CNTNAP2: variants seen among roughly 807,000 people sequenced by gnomAD.
CNTNAP2 encodes the protein contactin-associated protein-like 2.
A neutral mutation model predicts 155.2 loss-of-function variants in CNTNAP2; 98 were observed. The ratio of observed to expected loss-of-function variants is 0.63; its 90% CI spans 0.54 to 0.75. The LOEUF (loss-of-function observed/expected upper bound fraction) is 0.75, where lower values mean the gene tolerates loss of function less well. Ranked by LOEUF, CNTNAP2 falls within the 30% of genes least tolerant of loss-of-function variation. The pLI, the probability that CNTNAP2 is intolerant of heterozygous loss-of-function variation, is 0.00. For missense variants in CNTNAP2, 1,727 were observed against 1,688.1 expected (o/e 1.02, Z -0.40); for synonymous variants, 651 against 631.2 (o/e 1.03, Z -0.47).
At chr7:146,268,737 A>G (rs1800033200) in intron 1 of CNTNAP2, among the ~76,000 whole-genome samples, 1 of 152,204 alleles carries the variant, frequency 6.6e-6, no homozygotes. Flanking sequence ...AAAATAGCTC[A>G]CATTCTTTCA....
intron 13 of CNTNAP2, among the ~76,000 whole-genome samples, chr7:147,789,390 A>G (rs1202552600): frequency 1.3e-5 from 2 of 152,142 alleles, no homozygotes; most frequent in Non-Finnish European, 2.9e-5. Flanking sequence ...CTAAAATACA[A>G]ATCCAGTCTC....
intron 1 of CNTNAP2, among the ~76,000 whole-genome samples, chr7:146,174,629 G>C (rs1183822693): frequency 6.6e-6 from 1 of 151,976 alleles, no homozygotes; most frequent in Non-Finnish European, 1.5e-5. Flanking sequence ...CCTGAGGTTG[G>C]AAGTTCAAGA....
chr7:147,947,157 T>C (rs1041605939), intron 14 of CNTNAP2, among the ~76,000 whole-genome samples: 4 of 152,116 alleles, frequency 2.6e-5, no homozygotes, highest in African/African-American at 9.7e-5. Flanking sequence ...GGTAATCTCT[T>C]GGAGCTGTCT....
Position 146,357,201 on chromosome 7 carries a change from G to T in CNTNAP2, c.97+240228G>T, listed in dbSNP as rs148118089. 3.2e-3 allele frequency among the ~76,000 whole-genome samples: 454 copies of T among 143,622 alleles called. 2 individuals are homozygous for T. Among genetic ancestry groups the T allele is most frequent in the African/African-American group, 0.011 (436 of 38,186 alleles). The allele number at this position is 143,622 out of a possible 152,430, so 94.2% of individuals were successfully genotyped here. On this transcript the variant is annotated intron_variant, in intron 1 of 23. Transcript: ENST00000361727. ...CTGCTTCCCAGCATAATTTCCCAAA[G>T]CGCTTGGCCCTGTGACAACATACAG...
intron 9 of CNTNAP2, among the ~76,000 whole-genome samples, chr7:147,320,437 T>C (rs1434303052): frequency 6.6e-6 from 1 of 152,186 alleles, no homozygotes; most frequent in East Asian, 1.9e-4. Flanking sequence ...TGACAGTATG[T>C]ACCAATATTA....
At chr7:147,397,339 A>T (rs185609604) in intron 10 of CNTNAP2, among the ~76,000 whole-genome samples, 1 of 152,062 alleles carries the variant, frequency 6.6e-6, no homozygotes, top group African/African-American at 2.4e-5. Flanking sequence ...TTTAAAGATC[A>T]TTTGTTCTGA....
intron 15 of CNTNAP2, among the ~76,000 whole-genome samples, chr7:147,998,390 C>T (rs1801845003): frequency 6.6e-6 from 1 of 152,116 alleles, no homozygotes; most frequent in African/African-American, 2.4e-5. Flanking sequence ...GGATTACAGG[C>T]GAGAGCCACG....
chr7:146,593,976 C>T (rs187693405), intron 1 of CNTNAP2, among the ~76,000 whole-genome samples: 2 of 152,168 alleles, frequency 1.3e-5, no homozygotes, highest in Admixed American at 1.3e-4. Flanking sequence ...TTGGGTTCCC[C>T]ACCCTCCACT....
chr7:147,931,928 C>T (rs1416218556), intron 14 of CNTNAP2, among the ~76,000 whole-genome samples: 2 of 151,884 alleles, frequency 1.3e-5, no homozygotes, highest in Non-Finnish European at 2.9e-5. Flanking sequence ...TTATATCACC[C>T]AGGCTGGAGT....
chr7:147,407,710 A>G (rs994980211), intron 10 of CNTNAP2, among the ~76,000 whole-genome samples: 2 of 152,210 alleles, frequency 1.3e-5, no homozygotes, highest in Admixed American at 1.3e-4. Context: ...CTATGTTAAG[A>G]AGCATGTAAG....
intron 8 of CNTNAP2, among the ~76,000 whole-genome samples, chr7:147,140,791 GC>G (rs993781964): frequency 5.3e-5 from 8 of 152,086 alleles, no homozygotes; most frequent in African/African-American, 1.9e-4. Context: ...AATTTTATGG[GC>G]AGGGGCCAGA....
chr7:147,686,920 C>G (rs1796024649), intron 13 of CNTNAP2, among the ~76,000 whole-genome samples: 1 of 151,564 alleles, frequency 6.6e-6, no homozygotes, highest in Non-Finnish European at 1.5e-5. Flanking sequence ...TTACAATTAG[C>G]TAGAACTGTA....
At chr7:146,948,256 C>A (rs1273485040) in intron 3 of CNTNAP2, among the ~76,000 whole-genome samples, 1 of 151,576 alleles carries the variant, frequency 6.6e-6, no homozygotes, top group African/African-American at 2.4e-5. Context: ...TCCTATGACT[C>A]TGGGGTTGGA....
intron 15 of CNTNAP2, 21 bp downstream of exon 15, chr7:147,978,010 T>C: frequency 6.2e-7 from 1 of 1,613,638 alleles, no homozygotes; most frequent in South Asian, 1.1e-5. Context: ...ATAGCAGCTA[T>C]GGCTTGCACT....
intron 11 of CNTNAP2, among the ~76,000 whole-genome samples, chr7:147,509,989 T>C (rs1798986068): frequency 6.6e-6 from 1 of 152,128 alleles, no homozygotes; most frequent in African/African-American, 2.4e-5. Flanking sequence ...TTTTATTTGA[T>C]GGGCACATGA....
chr7:147,052,178 T>C (rs758071331), intron 4 of CNTNAP2, among the ~76,000 whole-genome samples: 1 of 152,132 alleles, frequency 6.6e-6, no homozygotes, highest in African/African-American at 2.4e-5. Context: ...TGTGTTTATT[T>C]TCATATGAAT....
intron 1 of CNTNAP2, among the ~76,000 whole-genome samples, chr7:146,246,138 G>A (rs530035636): frequency 1.0e-3 from 152 of 151,138 alleles, no homozygotes; most frequent in African/African-American, 3.6e-3. Flanking sequence ...TATTGGCATT[G>A]AGTGGGGTAA....
At chr7:147,212,664 G>T (rs1247681028) in intron 8 of CNTNAP2, among the ~76,000 whole-genome samples, 1 of 152,114 alleles carries the variant, frequency 6.6e-6, no homozygotes, top group African/African-American at 2.4e-5. Flanking sequence ...GATGGGATCA[G>T]TTGTATCCCA....
Position 148,414,345 on chromosome 7 carries a change from G to A in CNTNAP2, c.3797-1072G>A, listed in dbSNP as rs865786686. Among the ~76,000 whole-genome samples, 62 of 152,272 alleles carry A rather than the reference G, an allele frequency of 4.1e-4. No homozygotes were observed. The Middle Eastern group carries it at 0.01, about 25-fold the overall frequency. ...TCCGCCCGCCTCAGCCTCCCAAAGTGCTGGGATTACAGGCGCGAGCCACTG... is the reference window on the plus strand; with the variant it reads ...TCCGCCCGCCTCAGCCTCCCAAAGTACTGGGATTACAGGCGCGAGCCACTG... On this transcript the variant is annotated intron_variant, in intron 23 of 23. Coordinates refer to ENST00000361727, the MANE Select transcript of CNTNAP2 (RefSeq NM_014141.6).
Sources: gnomAD v4.1 joint callset for allele counts (sites outside exome capture counted in the v4.1 genomes callset) on GRCh38, gnomAD v4.1.1 for gene constraint, MANE v1.5 for transcripts, NCBI Gene and HGNC (gene_info 2026-07-23, HGNC 2026-07-21) for gene names.